The following PDCD6IP variants were observed in gnomAD, a reference collection of about 807,000 sequenced individuals.
PDCD6IP encodes programmed cell death 6-interacting protein.
In PDCD6IP, 43 loss-of-function variants were observed where a neutral mutation model predicts 103.7. That is an observed-to-expected ratio of 0.41 (90% CI 0.32 to 0.53). The LOEUF is 0.53. PDCD6IP is among the 20% of genes least tolerant of loss of function. The probability of loss-of-function intolerance (pLI) is 0.16; values close to 1 mark genes in which losing one functional copy is unlikely to be tolerated. For synonymous variants in PDCD6IP, 354 were observed against 378.7 expected, an observed-to-expected ratio of 0.93 and a Z score of 0.76; for missense variants, 871 against 1,036.7, an observed-to-expected ratio of 0.84 and a Z score of 2.20.
chr3:33,830,257 A>G (rs112852850), intron 7 of PDCD6IP, among the ~76,000 whole-genome samples: 1 of 152,320 alleles, frequency 6.6e-6, no homozygotes, highest in African/African-American at 2.4e-5. Context: ...CACTTTGATT[A>G]CAGTAACTTA....
chr3:33,798,763 C>T lies in PDCD6IP; in HGVS notation c.35C>T (p.Thr12Ile). The change falls in exon 1 of 18, where the codon ACC (threonine) becomes ATC (isoleucine). Residue 12 changes from threonine (T) to isoleucine (I), a missense_variant. By Grantham distance (89) the Thr-to-Ile change is moderately conservative. This residue lies in a region of PDCD6IP where 114 missense variants were observed against 106.7 expected (regional missense o/e 1.07). Coordinates refer to ENST00000307296, the MANE Select transcript of PDCD6IP (RefSeq NM_013374.6). Reference protein sequence around the residue: ...ATFISVQLKKTSEVDLAKPLV... With the variant: ...ATFISVQLKKISEVDLAKPLV... ...TTCATCTCGGTGCAGCTGAAAAAGA[C>T]CTCAGAGGTGGACCTGGCCAAGCCG... 1.3e-6 allele frequency: 2 copies of T among 1,575,198 alleles called. No homozygotes were observed. The highest frequency in any genetic ancestry group is 1.2e-5 in the South Asian group (1 of 85,664).
At chr3:33,821,339 G>T (rs1696988096) in intron 3 of PDCD6IP, among the ~76,000 whole-genome samples, 1 of 152,056 alleles carries the variant, frequency 6.6e-6, no homozygotes, top group African/African-American at 2.4e-5. Context: ...AACAGTACAG[G>T]AAAGTTCCAG....
intron 3 of PDCD6IP, among the ~76,000 whole-genome samples, chr3:33,817,710 G>A (rs1002332862): frequency 2.0e-5 from 3 of 151,678 alleles, no homozygotes; most frequent in South Asian, 2.1e-4. Context: ...CCATGATCAC[G>A]CCACTGTACT....
intron 6 of PDCD6IP, chr3:33,827,088 A>G (rs1697143697): frequency 1.0e-6 from 1 of 985,290 alleles, no homozygotes; most frequent in African/African-American, 1.7e-5. Flanking sequence ...TTGGGCTGCT[A>G]ATGGACAGCT....
At chr3:33,805,004 A>G (rs544434873) in intron 1 of PDCD6IP, among the ~76,000 whole-genome samples, 1 of 152,256 alleles carries the variant, frequency 6.6e-6, no homozygotes, top group East Asian at 1.9e-4. Flanking sequence ...GCATTGCAGT[A>G]TTATTTTGGC....
At chr3:33,823,206 A>G (rs923796660) in intron 4 of PDCD6IP, among the ~76,000 whole-genome samples, 11 of 152,110 alleles carry the variant, frequency 7.2e-5, no homozygotes, top group African/African-American at 2.4e-4. Flanking sequence ...TTGGGTTTCA[A>G]TAGTTCTGAT....
At chr3:33,854,125 T>C in intron 14 of PDCD6IP, 112 bp downstream of exon 14, 1 of 1,231,318 alleles carries the variant, frequency 8.1e-7, no homozygotes, top group Non-Finnish European at 1.1e-6. Context: ...CCTAGAATTT[T>C]AGCTTTAATG....
chr3:33,834,646 T>C (rs143187795), intron 7 of PDCD6IP, among the ~76,000 whole-genome samples: 2 of 152,344 alleles, frequency 1.3e-5, no homozygotes, highest in Non-Finnish European at 2.9e-5. Flanking sequence ...TTTTTCAACA[T>C]CTATGGAGAA....
chr3:33,826,584 A>T lies in PDCD6IP; in HGVS notation c.717+4A>T. The T allele has an allele frequency of 6.2e-7, 1 of 1,611,354 alleles. No individual in the cohort carries two copies. Among genetic ancestry groups the T allele is most frequent in the East Asian group, 2.2e-5 (1 of 44,806 alleles). On this transcript the variant is annotated splice_donor_region_variant and intron_variant, in intron 6 of 17. Transcript: ENST00000307296. ...ATACAAAGATACTCTCCCCAAGGTC[A>T]GTTATTGTTTTTATAAACACTTGCT...
intron 11 of PDCD6IP, among the ~76,000 whole-genome samples, chr3:33,844,615 A>T (rs1196910307): frequency 1.3e-5 from 2 of 152,038 alleles, no homozygotes; most frequent in Non-Finnish European, 2.9e-5. Flanking sequence ...TGAGTAGCTG[A>T]CACTGTAGAC....
At chr3:33,829,374 A>T (rs1697197628) in intron 7 of PDCD6IP, among the ~76,000 whole-genome samples, 1 of 152,150 alleles carries the variant, frequency 6.6e-6, no homozygotes, top group Admixed American at 6.5e-5. Flanking sequence ...ATTCTAAATT[A>T]ATTGCCATGC....
intron 7 of PDCD6IP, among the ~76,000 whole-genome samples, chr3:33,831,794 CACTTGTCATTCTT>C (rs1697250708): frequency 1.3e-5 from 2 of 152,132 alleles, no homozygotes; most frequent in Admixed American, 1.3e-4. Context: ...TGCACATTCT[CACTTGTCATTCTT>C]ACTGAAGTGG....
At chr3:33,833,191 A>G (rs994057060) in intron 7 of PDCD6IP, among the ~76,000 whole-genome samples, 2 of 152,076 alleles carry the variant, frequency 1.3e-5, no homozygotes, top group African/African-American at 4.8e-5. Flanking sequence ...TAGATGGGTC[A>G]TTATCCCAAT....
Position 33,866,667 on chromosome 3 carries a change from A to T in PDCD6IP, c.*142A>T. ...CAGTGTATAATTTCTGTCTACAGCT[A>T]GAAGCTGTGCCCCAGTTCCACATTT... On this transcript the variant is annotated 3_prime_UTR_variant, in exon 18 of 18. Transcript: ENST00000307296. 5.3e-6 allele frequency: 3 copies of T among 566,778 alleles called. No individual in the cohort carries two copies. The highest frequency in any genetic ancestry group is 5.6e-6 in the Non-Finnish European group (2 of 357,620). 35.1% of individuals were successfully genotyped at this position (566,778 alleles called of 1,614,324 possible). A position where few individuals can be genotyped will look rare whatever the true frequency, so the allele number is the denominator to read the frequency against.
chr3:33,835,181 C>G, intron 7 of PDCD6IP: 1 of 454,482 alleles, frequency 2.2e-6, no homozygotes, highest in East Asian at 7.0e-5. Context: ...TTTATAAGGC[C>G]AAACTTAAAA....
chr3:33,852,899 G>GTT (rs1363315252), intron 13 of PDCD6IP, among the ~76,000 whole-genome samples, 163 bp downstream of exon 13: 1 of 149,806 alleles, frequency 6.7e-6, no homozygotes, highest in Non-Finnish European at 1.5e-5. Flanking sequence ...TGGCACATCA[G>GTT]TTTTATCTAT....
chr3:33,838,755 T>G lies in PDCD6IP; in HGVS notation c.1181+428T>G, dbSNP rs1228991006. Among the ~76,000 whole-genome samples, 3 of 134,186 alleles carry G rather than the reference T, an allele frequency of 2.2e-5. No homozygotes were observed. In the Admixed American group the frequency reaches 2.2e-4, roughly 10 times the overall value. 88.0% of individuals were successfully genotyped at this position (134,186 alleles called of 152,430 possible). On this transcript the variant is annotated intron_variant, in intron 9 of 17. Transcript: ENST00000307296. The stretch of plus-strand genomic sequence containing the variant: ...GCACAGTTCAATTATTATATGTATA[T>G]GTGTGTGTGTGTGTGTATGTGTATA...
At chr3:33,798,999 C>A (rs1052089091) in intron 1 of PDCD6IP, 62 bp downstream of exon 1, 10 of 1,369,118 alleles carry the variant, frequency 7.3e-6, no homozygotes, top group African/African-American at 5.8e-5. Flanking sequence ...CTCCTCTTCC[C>A]GTCTCCCCCC....
chr3:33,798,933 C>A lies in PDCD6IP; in HGVS notation c.205C>A (p.Leu69Met). 1 of 1,528,074 alleles carries A rather than the reference C, an allele frequency of 6.5e-7. No homozygotes were observed. The highest frequency in any genetic ancestry group is 1.4e-5 in the African/African-American group (1 of 72,606). 94.7% of individuals were successfully genotyped at this position (1,528,074 alleles called of 1,614,324 possible). A position where few individuals can be genotyped will look rare whatever the true frequency, so the allele number is the denominator to read the frequency against. The change falls in exon 1 of 18, where the codon CTG (leucine) becomes ATG (methionine). Residue 69 changes from leucine (L) to methionine (M), a missense_variant. Around this residue, in one of 5 missense-constraint regions of PDCD6IP, gnomAD observed 114 missense variants for 106.7 expected, o/e 1.07. Coordinates refer to ENST00000307296, the MANE Select transcript of PDCD6IP (RefSeq NM_013374.6). ...GCACGAGGGCGCGCTCGAGACGCTC[C>A]TGAGGTGGGCGCGGGGCTGGGAGTG... is the stretch of plus-strand genomic sequence containing the variant. ...DKHEGALETLLRYYDQICSIE... is the reference protein window; with the variant it reads ...DKHEGALETLMRYYDQICSIE...
Sources: gnomAD v4.1 joint callset for allele counts (sites outside exome capture counted in the v4.1 genomes callset) on GRCh38, gnomAD v4.1.1 for gene constraint, gnomAD v4.1.1 regional missense constraint, MANE v1.5 for transcripts, NCBI Gene and HGNC (gene_info 2026-07-23, HGNC 2026-07-21) for gene names.